The following PCDHA4 variants were observed in gnomAD, a reference collection of about 807,000 sequenced individuals.
PCDHA4 encodes protocadherin alpha 4.
In PCDHA4, 49 loss-of-function variants were observed where a neutral mutation model predicts 61.4. The ratio of observed to expected loss-of-function variants is 0.80; its 90% CI spans 0.63 to 1.01. PCDHA4 has a LOEUF of 1.01. Ranked by LOEUF, PCDHA4 falls within the 50% of genes least tolerant of loss-of-function variation. The pLI is 0.00. For synonymous variants in PCDHA4, 590 were observed against 550.3 expected (o/e 1.07, Z -1.01); for missense variants, 1,254 against 1,235.8 (o/e 1.01, Z -0.22).
chr5:140,923,039 A>G (rs998399771), intron 1 of PCDHA4, among the ~76,000 whole-genome samples: 2 of 152,236 alleles, frequency 1.3e-5, no homozygotes, highest in Non-Finnish European at 2.9e-5. Context: ...TACTACATGT[A>G]TAGTATTTAG....
chr5:140,829,097 G>A, intron 1 of PCDHA4: 7 of 1,611,762 alleles, frequency 4.3e-6, no homozygotes, highest in Non-Finnish European at 5.9e-6. Context: ...TCATTGCACC[G>A]TTTTAGTGAG....
chr5:140,824,869 T>G (rs2150137478), intron 1 of PCDHA4: 15 of 152,136 alleles, frequency 9.9e-5, no homozygotes, highest in Admixed American at 3.3e-4. Flanking sequence ...ATTGTATTTT[T>G]GCAGCATATG....
chr5:140,923,396 T>C (rs2081343835), intron 1 of PCDHA4, among the ~76,000 whole-genome samples: 1 of 152,058 alleles, frequency 6.6e-6, no homozygotes, highest in Non-Finnish European at 1.5e-5. Context: ...GGCATGGTGG[T>C]GTGTGCCTAT....
At chr5:140,982,625 T>C in intron 3 of PCDHA4, 62 bp downstream of exon 3, 1 of 1,582,614 alleles carries the variant, frequency 6.3e-7, no homozygotes, top group South Asian at 1.2e-5. Context: ...ATGACCTACT[T>C]TTGTAAGATC....
chr5:140,931,430 A>G (rs1431087207), intron 1 of PCDHA4, among the ~76,000 whole-genome samples: 2 of 149,950 alleles, frequency 1.3e-5, no homozygotes, highest in Non-Finnish European at 3.0e-5. Flanking sequence ...AGTTAGAAGG[A>G]AAATTAGCTA....
intron 1 of PCDHA4, among the ~76,000 whole-genome samples, chr5:140,838,279 A>AT (rs1775640988): frequency 3.2e-5 from 2 of 62,672 alleles, no homozygotes; most frequent in Non-Finnish European, 5.9e-5. Context: ...AAGCCATGCT[A>AT]ATTTTTTTTT....
At chr5:140,875,028 G>A (rs1321534427) in intron 1 of PCDHA4, among the ~76,000 whole-genome samples, 1 of 152,198 alleles carries the variant, frequency 6.6e-6, no homozygotes, top group Admixed American at 6.5e-5. Flanking sequence ...CTGGCCTACT[G>A]TATTTGAAAG....
chr5:140,831,464 A>G (rs1771535057), intron 1 of PCDHA4, among the ~76,000 whole-genome samples: 1 of 132,286 alleles, frequency 7.6e-6, no homozygotes, highest in Admixed American at 7.7e-5. Flanking sequence ...GGCTCAAGTG[A>G]TTCTCTCACC....
At position 140,808,873 on chromosome 5, in the gene PCDHA4, G is replaced by T. The variant is rs782251323; in HGVS notation, c.1686G>T (p.Ala562=). ...TCGTGCTGGACGAAAACGACAACGCGCCAGCACTGCTAGCGCCTCGGGCGG... is the reference window on the plus strand; with the variant it reads ...TCGTGCTGGACGAAAACGACAACGCTCCAGCACTGCTAGCGCCTCGGGCGG... ...QVFVLDENDN[A]PALLAPRAGG... The change falls in exon 1 of 4, where the codon GCG becomes GCT. Residue 562 remains alanine, a synonymous_variant. Coordinates refer to ENST00000530339, the MANE Select transcript of PCDHA4 (RefSeq NM_018907.4). 6 of 1,613,080 alleles carry T rather than the reference G, an allele frequency of 3.7e-6. No individual in the cohort carries two copies. The highest frequency in any genetic ancestry group is 5.1e-6 in the Non-Finnish European group (6 of 1,179,904).
intron 1 of PCDHA4, chr5:140,841,803 A>C (rs1311079057): frequency 6.2e-7 from 1 of 1,613,804 alleles, no homozygotes; most frequent in African/African-American, 1.3e-5. Flanking sequence ...TCCGATGCAG[A>C]TGTTGGAGCT....
In PCDHA4 at chr5:140,829,696, G is replaced by T. The variant is rs2150172625; in HGVS notation, c.2385+20124G>T. The T allele has an allele frequency of 1.4e-5, 22 of 1,613,156 alleles. No individual in the cohort carries two copies. The South Asian group carries it at 2.1e-4, about 15-fold the overall frequency. On this transcript the variant is annotated intron_variant, in intron 1 of 3. Transcript: ENST00000530339. ...AGCTAGAGCTGCTGCAGTTTCAGGTGAGCGCGCGCGACGCGGGCGTGCCGC... is the reference window on the plus strand; with the variant it reads ...AGCTAGAGCTGCTGCAGTTTCAGGTTAGCGCGCGCGACGCGGGCGTGCCGC...
intron 1 of PCDHA4, among the ~76,000 whole-genome samples, chr5:140,914,496 C>A (rs782459538): frequency 1.2e-4 from 19 of 152,136 alleles, no homozygotes; most frequent in Non-Finnish European, 4.4e-5. Context: ...TTGTGGGCAA[C>A]AGATCATTGG....
At position 140,842,945 on chromosome 5, in the gene PCDHA4, G is replaced by T. The variant is rs2150348444; in HGVS notation, c.2385+33373G>T. The T allele has an allele frequency of 7.5e-6, 12 of 1,594,542 alleles. 1 individual carries two copies. In the East Asian group the frequency reaches 1.8e-4, roughly 24 times the overall value. On this transcript the variant is annotated intron_variant, in intron 1 of 3. Transcript: ENST00000530339. ...CCAGGTGAGCGCGCGCGACGCGGGC[G>T]TGCCGCCTCTGGGCAGCAACGTGAC...
chr5:140,875,179 A>G, intron 1 of PCDHA4: 1 of 444,474 alleles, frequency 2.2e-6, no homozygotes, highest in East Asian at 4.2e-5. Context: ...AAACATTAGA[A>G]TTAAGAGTGA....
At chr5:140,918,694 T>C (rs1260893633) in intron 1 of PCDHA4, among the ~76,000 whole-genome samples, 2 of 152,186 alleles carry the variant, frequency 1.3e-5, no homozygotes, top group Non-Finnish European at 2.9e-5. Flanking sequence ...CAAACATAAT[T>C]AAGTCATGAG....
At chr5:141,000,547 A>T (rs2097946124) in intron 3 of PCDHA4, among the ~76,000 whole-genome samples, 1 of 147,246 alleles carries the variant, frequency 6.8e-6, no homozygotes, top group Non-Finnish European at 1.5e-5. Context: ...CATGCCTCAA[A>T]CTCCCGAGTA....
intron 3 of PCDHA4, among the ~76,000 whole-genome samples, chr5:140,991,619 A>G (rs1554252338): frequency 1.3e-5 from 2 of 152,206 alleles, no homozygotes; most frequent in African/African-American, 4.8e-5. Context: ...CTTTAATGCC[A>G]TATTTGTAAT....
chr5:140,884,514 C>A (rs368331245), intron 1 of PCDHA4: 13 of 1,614,176 alleles, frequency 8.1e-6, no homozygotes, highest in East Asian at 2.2e-5. Context: ...GGGAGTTGGT[C>A]GTACTCGCAG....
intron 1 of PCDHA4, chr5:140,930,529 C>T (rs1175564392): frequency 6.6e-6 from 1 of 152,500 alleles, no homozygotes; most frequent in African/African-American, 2.4e-5. Flanking sequence ...GGCCCTCAAA[C>T]TTCTTGAGTG....
Sources: allele counts gnomAD v4.1 joint callset (sites outside exome capture counted in the v4.1 genomes callset), GRCh38; gene constraint gnomAD v4.1.1; transcripts MANE v1.5; gene names NCBI Gene and HGNC (gene_info 2026-07-23, HGNC 2026-07-21).